Variants in FHIT observed in about 807,000 individuals in gnomAD.
FHIT encodes fragile histidine triad diadenosine triphosphatase.
Under a neutral mutation model 17.9 loss-of-function variants are expected in FHIT, and 19 were observed. That is an observed-to-expected ratio of 1.06 (90% CI 0.74 to 1.56). FHIT has a LOEUF of 1.56. FHIT is among the 40% of genes most tolerant of loss of function. FHIT has a pLI of 0.00. For missense variants in FHIT, 248 were observed against 189.2 expected (o/e 1.31, Z -1.82); for synonymous variants, 81 against 69.7 (o/e 1.16, Z -0.81).
intron 2 of FHIT, among the ~76,000 whole-genome samples, chr3:61,147,232 G>A (rs188303398): frequency 1.3e-5 from 2 of 152,076 alleles, no homozygotes; most frequent in African/African-American, 2.4e-5. Flanking sequence ...AAGGCAAAAC[G>A]TTCTGTTGAG....
Position 60,587,206 on chromosome 3 carries a change from G to A in FHIT, c.-17-50227C>T, listed in dbSNP as rs548607559. On this transcript the variant is annotated intron_variant, in intron 4 of 9. Transcript: ENST00000492590. ...ATGAGATAATGTCATTTGCAGGGAC[G>A]TGGATGAAGCTGGAAACCATCATCT... Among the ~76,000 whole-genome samples the A allele has an allele frequency of 5.9e-5, 9 of 152,018 alleles. No individual in the cohort carries two copies. The East Asian group carries it at 1.6e-3, about 26-fold the overall frequency.
intron 7 of FHIT, among the ~76,000 whole-genome samples, chr3:59,926,440 T>C (rs1477190656): frequency 6.6e-6 from 1 of 152,172 alleles, no homozygotes; most frequent in Non-Finnish European, 1.5e-5. Context: ...AGTAAGGAAA[T>C]GACTATACAT....
intron 4 of FHIT, among the ~76,000 whole-genome samples, chr3:60,540,052 A>T (rs1341505019): frequency 6.6e-6 from 1 of 152,048 alleles, no homozygotes. Flanking sequence ...ATCTCCCAGG[A>T]AGAGAGAGGG....
chr3:60,336,657 T>G (rs573927635), intron 5 of FHIT, among the ~76,000 whole-genome samples: 2 of 152,258 alleles, frequency 1.3e-5, no homozygotes, highest in South Asian at 4.2e-4. Flanking sequence ...GAAATTCAGG[T>G]CCTCATTGTC....
At chr3:60,997,580 C>T (rs2030764977) in intron 3 of FHIT, among the ~76,000 whole-genome samples, 1 of 152,082 alleles carries the variant, frequency 6.6e-6, no homozygotes, top group Non-Finnish European at 1.5e-5. Flanking sequence ...GTGTTCCCAC[C>T]ACTCCCTATA....
chr3:60,925,932 A>C (rs1196596567), intron 3 of FHIT, among the ~76,000 whole-genome samples: 1 of 152,212 alleles, frequency 6.6e-6, no homozygotes, highest in Non-Finnish European at 1.5e-5. Context: ...CAGACTTTAA[A>C]CCAACAAAGA....
intron 3 of FHIT, among the ~76,000 whole-genome samples, chr3:60,834,877 A>AAAGG (rs1334313149): frequency 7.3e-6 from 1 of 136,170 alleles, no homozygotes; most frequent in Non-Finnish European, 1.6e-5. Context: ...AAAAGAAAAG[A>AAAGG]AAAGAAAAAA....
At chr3:60,258,936 G>A (rs1706155045) in intron 5 of FHIT, among the ~76,000 whole-genome samples, 1 of 149,814 alleles carries the variant, frequency 6.7e-6, no homozygotes. Context: ...CTTGAATGAG[G>A]GTCTTATGAG....
At chr3:60,605,684 A>G (rs1304954420) in intron 4 of FHIT, among the ~76,000 whole-genome samples, 1 of 152,180 alleles carries the variant, frequency 6.6e-6, no homozygotes, top group Admixed American at 6.5e-5. Context: ...AATGGAAACA[A>G]CTAACATCAT....
At chr3:59,821,445 C>G (rs900804524) in intron 8 of FHIT, among the ~76,000 whole-genome samples, 1 of 152,192 alleles carries the variant, frequency 6.6e-6, no homozygotes, top group Non-Finnish European at 1.5e-5. Flanking sequence ...TGCAAGGAGA[C>G]AGCTGCAGTT....
chr3:60,117,037 T>A (rs1030727240), intron 5 of FHIT, among the ~76,000 whole-genome samples: 98 of 152,278 alleles, frequency 6.4e-4, no homozygotes, highest in African/African-American at 2.2e-3. Context: ...TCTGTCCCAA[T>A]CCTTAAATTA....
intron 5 of FHIT, among the ~76,000 whole-genome samples, chr3:60,293,967 C>T (rs1452380408): frequency 6.6e-6 from 1 of 152,086 alleles, no homozygotes; most frequent in Non-Finnish European, 1.5e-5. Flanking sequence ...GGAGGTAAAC[C>T]TACTGCAAAT....
intron 5 of FHIT, among the ~76,000 whole-genome samples, chr3:60,166,641 G>C (rs1351397454): frequency 6.6e-6 from 1 of 152,164 alleles, no homozygotes; most frequent in Non-Finnish European, 1.5e-5. Context: ...TCTATCTCCA[G>C]AACTTGGACC....
rs539447685 is a variant in FHIT, at chr3:61,103,657, T to G, written c.-163-61558A>C. 3.3e-5 allele frequency among the ~76,000 whole-genome samples: 5 copies of G among 152,304 alleles called. No homozygotes were observed. The South Asian group carries it at 8.3e-4, about 25-fold the overall frequency. The stretch of plus-strand genomic sequence containing the variant: ...CTGTCTAATATTGACAGTGGGGTGT[T>G]AAAGTCTCCCAGTCTTATTGTGTGG... On this transcript the variant is annotated intron_variant, in intron 2 of 9. Transcript: ENST00000492590.
chr3:60,462,587 G>A (rs379394), intron 5 of FHIT, among the ~76,000 whole-genome samples: 7,158 of 152,262 alleles, frequency 0.047, 215 homozygotes, highest in Middle Eastern at 0.1. Context: ...AAGAGAGGAG[G>A]GAAGAGCATC....
rs74709941 is a variant in FHIT at position 60,658,335 on chromosome 3, A to G, written c.-17-121356T>C. On this transcript the variant is annotated intron_variant, in intron 4 of 9. Transcript: ENST00000492590. ...TGTCCCATTTTGCTATTGATTTTCTACACACCTTACAGTTTTTTTCTGTCC... is the reference window on the plus strand; with the variant it reads ...TGTCCCATTTTGCTATTGATTTTCTGCACACCTTACAGTTTTTTTCTGTCC... Among the ~76,000 whole-genome samples the G allele has an allele frequency of 8.1e-4, 123 of 152,198 alleles. No individual in the cohort carries two copies. The East Asian group carries it at 0.015, about 19-fold the overall frequency.
At chr3:60,886,083 C>T (rs990349709) in intron 3 of FHIT, among the ~76,000 whole-genome samples, 4 of 152,150 alleles carry the variant, frequency 2.6e-5, no homozygotes, top group African/African-American at 7.2e-5. Flanking sequence ...AAATAAAACA[C>T]ATCTTTGCCT....
chr3:60,502,754 T>C (rs778841088), intron 5 of FHIT, among the ~76,000 whole-genome samples: 1 of 152,138 alleles, frequency 6.6e-6, no homozygotes, highest in Non-Finnish European at 1.5e-5. Flanking sequence ...ACTATGACTA[T>C]AGTAAAAGCC....
intron 4 of FHIT, among the ~76,000 whole-genome samples, chr3:60,715,153 T>G (rs570064956): frequency 1.5e-4 from 23 of 152,204 alleles, no homozygotes; most frequent in South Asian, 1.0e-3. Context: ...TATCTGATCT[T>G]TGACAAACCT....
Sources: allele counts gnomAD v4.1 joint callset (sites outside exome capture counted in the v4.1 genomes callset), GRCh38; gene constraint gnomAD v4.1.1; transcripts MANE v1.5; gene names NCBI Gene and HGNC (gene_info 2026-07-23, HGNC 2026-07-21).